SLC4A10: variants seen among roughly 807,000 people sequenced by gnomAD.
The protein encoded by SLC4A10 is solute carrier family 4 member 10.
SLC4A10 carries 42 observed loss-of-function variants against 137.7 expected under a neutral mutation model. That is an observed-to-expected ratio of 0.30 (90% CI 0.24 to 0.39). SLC4A10 has a LOEUF of 0.39. Among genes scored for constraint, SLC4A10 ranks in the 10% least tolerant of loss-of-function variants. SLC4A10 has a pLI of 1.00. For missense variants in SLC4A10, 925 were observed against 1,355.0 expected (o/e 0.68, Z 4.98); for synonymous variants, 474 against 464.1 (o/e 1.02, Z -0.27).
rs1490142182 is a variant in SLC4A10, at chr2:161,945,210, A to G, written c.2103+2313A>G. 1.1e-4 allele frequency among the ~76,000 whole-genome samples: 14 copies of G among 124,852 alleles called. 1 individual carries two copies. In the East Asian group the frequency reaches 2.3e-3, roughly 21 times the overall value. The allele number at this position is 124,852 out of a possible 152,430, so 81.9% of individuals were successfully genotyped here. ...TATATATATATATATATATATATAT[A>G]TATATATATATATATATATATATAT... On this transcript the variant is annotated intron_variant, in intron 16 of 26. Coordinates refer to ENST00000446997, the MANE Select transcript of SLC4A10 (RefSeq NM_001178015.2).
chr2:161,741,433 T>C (rs193212058), intron 1 of SLC4A10, among the ~76,000 whole-genome samples: 105 of 152,304 alleles, frequency 6.9e-4, no homozygotes, highest in African/African-American at 2.4e-3. Context: ...AGACTTATTA[T>C]TCATCTTACA....
At chr2:161,882,892 C>T (rs1218280163) in intron 10 of SLC4A10, among the ~76,000 whole-genome samples, 1 of 152,060 alleles carries the variant, frequency 6.6e-6, no homozygotes, top group East Asian at 1.9e-4. Flanking sequence ...TATTTTTAAC[C>T]TGGGAGTCTG....
intron 11 of SLC4A10, among the ~76,000 whole-genome samples, chr2:161,896,522 C>T (rs10206896): frequency 0.018 from 2,686 of 152,066 alleles, 86 homozygotes; most frequent in African/African-American, 0.061. Flanking sequence ...GCCATTTTCA[C>T]GATATTGATT....
chr2:161,946,161 G>T lies in SLC4A10; in HGVS notation c.2104-1405G>T, dbSNP rs574770710. 3.4e-3 allele frequency among the ~76,000 whole-genome samples: 512 copies of T among 152,078 alleles called. 2 individuals are homozygous for T. Among genetic ancestry groups the T allele is most frequent in the African/African-American group, 0.012 (490 of 41,522 alleles). On this transcript the variant is annotated intron_variant, in intron 16 of 26. Coordinates refer to ENST00000446997, the MANE Select transcript of SLC4A10 (RefSeq NM_001178015.2). ...CTGTGGTTTTTCAATTAGCCAAGTT[G>T]CTGTGCTCTGTATTAGCTTAACATG...
intron 2 of SLC4A10, among the ~76,000 whole-genome samples, chr2:161,782,061 G>T (rs1410147997): frequency 6.6e-6 from 1 of 152,058 alleles, no homozygotes; most frequent in East Asian, 1.9e-4. Context: ...GGGGAGAATA[G>T]AGATGGTGGC....
chr2:161,911,149 A>G (rs1337228899), intron 15 of SLC4A10, among the ~76,000 whole-genome samples: 1 of 152,008 alleles, frequency 6.6e-6, no homozygotes, highest in African/African-American at 2.4e-5. Context: ...ACATGTTGCA[A>G]AATAATTGAC....
At chr2:161,668,636 G>T (rs1434625931) in intron 1 of SLC4A10, among the ~76,000 whole-genome samples, 4 of 151,646 alleles carry the variant, frequency 2.6e-5, no homozygotes, top group Non-Finnish European at 4.4e-5. Context: ...TATTTTACTG[G>T]TTCAGGGAAT....
At chr2:161,763,937 G>A (rs1238923293) in intron 1 of SLC4A10, among the ~76,000 whole-genome samples, 13 of 152,110 alleles carry the variant, frequency 8.5e-5, no homozygotes, top group African/African-American at 2.4e-4. Context: ...ACCTTATGAA[G>A]GGGAATTTGG....
At chr2:161,630,684 T>C (rs550450720) in intron 1 of SLC4A10, among the ~76,000 whole-genome samples, 43 of 151,762 alleles carry the variant, frequency 2.8e-4, no homozygotes, top group African/African-American at 9.9e-4. Flanking sequence ...AACGGCTGAG[T>C]TCCAAATTAA....
At chr2:161,856,488 G>C (rs2125862848) in intron 5 of SLC4A10, among the ~76,000 whole-genome samples, 1 of 151,874 alleles carries the variant, frequency 6.6e-6, no homozygotes, top group East Asian at 1.9e-4. Flanking sequence ...CATAGCTAGA[G>C]CCTGAAAGAC....
intron 1 of SLC4A10, among the ~76,000 whole-genome samples, chr2:161,722,752 C>T (rs2045821639): frequency 6.6e-6 from 1 of 152,198 alleles, no homozygotes; most frequent in African/African-American, 2.4e-5. Flanking sequence ...TGCCTGCACT[C>T]TTCAGAGCCA....
intron 1 of SLC4A10, among the ~76,000 whole-genome samples, chr2:161,693,036 C>G (rs1036461337): frequency 1.3e-5 from 2 of 151,930 alleles, no homozygotes; most frequent in Non-Finnish European, 2.9e-5. Context: ...TTGCCATGTT[C>G]CCTTTTATTC....
At chr2:161,734,883 G>A (rs1255193630) in intron 1 of SLC4A10, among the ~76,000 whole-genome samples, 2 of 151,908 alleles carry the variant, frequency 1.3e-5, no homozygotes, top group Non-Finnish European at 2.9e-5. Context: ...TTGGATCATG[G>A]GGGTGGTTTC....
chr2:161,851,635 A>G (rs1309954855), intron 4 of SLC4A10, among the ~76,000 whole-genome samples: 1 of 152,186 alleles, frequency 6.6e-6, no homozygotes, highest in Non-Finnish European at 1.5e-5. Context: ...ACTGTTATCC[A>G]GAAGTAAATT....
chr2:161,706,109 T>C (rs528361160), intron 1 of SLC4A10, among the ~76,000 whole-genome samples: 1 of 151,552 alleles, frequency 6.6e-6, no homozygotes, highest in African/African-American at 2.4e-5. Context: ...TTGGATTAAA[T>C]AGATCTTATC....
At chr2:161,772,177 A>G (rs1052874117) in intron 2 of SLC4A10, among the ~76,000 whole-genome samples, 1 of 151,922 alleles carries the variant, frequency 6.6e-6, no homozygotes, top group Non-Finnish European at 1.5e-5. Context: ...ATCCACATTC[A>G]TTACATAAAT....
intron 16 of SLC4A10, 91 bp from the exon 17 acceptor site, chr2:161,947,475 G>A (rs547475119): frequency 6.0e-6 from 8 of 1,333,864 alleles, no homozygotes; most frequent in Middle Eastern, 1.9e-4. Flanking sequence ...CTCAGCATCT[G>A]AACTACAATT....
At chr2:161,735,487 A>G (rs2047251957) in intron 1 of SLC4A10, among the ~76,000 whole-genome samples, 1 of 152,148 alleles carries the variant, frequency 6.6e-6, no homozygotes, top group African/African-American at 2.4e-5. Flanking sequence ...TTAGGATTTT[A>G]AGTTACTGAA....
chr2:161,788,311 T>C (rs990076163), intron 2 of SLC4A10, among the ~76,000 whole-genome samples: 2 of 152,160 alleles, frequency 1.3e-5, no homozygotes, highest in Admixed American at 1.3e-4. Flanking sequence ...ACTTATCTTG[T>C]ACACTAGTAC....
Sources: gnomAD v4.1 joint callset for allele counts (sites outside exome capture counted in the v4.1 genomes callset) on GRCh38, gnomAD v4.1.1 for gene constraint, MANE v1.5 for transcripts, NCBI Gene and HGNC (gene_info 2026-07-23, HGNC 2026-07-21) for gene names.